Variants in PHF19 observed in about 807,000 individuals in gnomAD.
PHF19 encodes polycomb like 3.
PHF19 carries 21 observed loss-of-function variants against 79.8 expected under a neutral mutation model. That is an observed-to-expected ratio of 0.26 (90% CI 0.19 to 0.38). PHF19 has a LOEUF of 0.38. PHF19 is among the 10% of genes least tolerant of loss of function. PHF19 has a pLI of 1.00. For missense variants in PHF19, 445 were observed against 744.2 expected (o/e 0.60, Z 4.68); for synonymous variants, 273 against 296.3 (o/e 0.92, Z 0.81).
At chr9:120,871,645 A>G (rs948946847) in intron 3 of PHF19, among the ~76,000 whole-genome samples, 4 of 152,198 alleles carry the variant, frequency 2.6e-5, no homozygotes, top group Admixed American at 2.0e-4. Context: ...AAGAATAAAT[A>G]TGTTTTTATG....
Position 120,877,078 on chromosome 9 carries a change from G to T in PHF19, c.-16+13C>A. The T allele has an allele frequency of 1.0e-6, 1 of 985,408 alleles. No individual in the cohort carries two copies. Among genetic ancestry groups the T allele is most frequent in the South Asian group, 4.7e-5 (1 of 21,292 alleles). 61.0% of individuals were successfully genotyped at this position (985,408 alleles called of 1,614,324 possible). A position where few individuals can be genotyped will look rare whatever the true frequency, so the allele number is the denominator to read the frequency against. On this transcript the variant is annotated intron_variant, in intron 1 of 14. Coordinates refer to ENST00000373896, the MANE Select transcript of PHF19 (RefSeq NM_015651.3). ...AGCGTGGCGGGGAGTCCGCCCAACA[G>T]CGCAGAACTCACCGCGAGGCTGCGT... is the stretch of plus-strand genomic sequence containing the variant.
chr9:120,860,111 G>A lies in PHF19; in HGVS notation c.1379C>T (p.Thr460Ile), dbSNP rs1423341571. ...DAASTSGSAS[T>I]SLSYDSRWTV... Reference sequence around the variant, plus strand: ...TCACCTGGAGTCATAGGAGAGGCTGGTGGAGGCAGAGCCAGAGGTGCTGGC... The same window carrying A: ...TCACCTGGAGTCATAGGAGAGGCTGATGGAGGCAGAGCCAGAGGTGCTGGC... Residue 460 changes from threonine to isoleucine, a missense_variant, in exon 14 of 15, where the codon ACC becomes ATC. Thr to Ile is a moderately conservative substitution (Grantham distance 89). This residue lies in a region of PHF19 where 125 missense variants were observed against 180.5 expected (regional missense o/e 0.69). Transcript: ENST00000373896. This position sits in a 1 kb window ranked among gnomAD's most constrained non-coding sequence, Gnocchi z 4.1. 1.3e-6 allele frequency: 2 copies of A among 1,594,866 alleles called. No homozygotes were observed. The highest frequency in any genetic ancestry group is 1.7e-6 in the Non-Finnish European group (2 of 1,168,542).
At position 120,870,021 on chromosome 9, in the gene PHF19, G is replaced by T. The variant is rs2045848574; in HGVS notation, c.365-76C>A. The T allele has an allele frequency of 1.3e-6, 2 of 1,520,610 alleles. No individual in the cohort carries two copies. The highest frequency in any genetic ancestry group is 8.8e-7 in the Non-Finnish European group (1 of 1,133,102). The allele number at this position is 1,520,610 out of a possible 1,614,324, so 94.2% of individuals were successfully genotyped here. ...GGCCAGTTGGCCCAAAGGAGGCAGG[G>T]CTGGGAGGGCTGAGGGAAGTCCTAG... On this transcript the variant is annotated intron_variant, in intron 4 of 14. Transcript: ENST00000373896. This position sits in a 1 kb window ranked among gnomAD's most constrained non-coding sequence, Gnocchi z 4.4.
intron 12 of PHF19, 22 bp downstream of exon 12, chr9:120,861,896 A>G (rs1317233552): frequency 1.3e-6 from 2 of 1,524,362 alleles, no homozygotes; most frequent in Middle Eastern, 1.7e-4. Flanking sequence ...GAAAATGGAG[A>G]GTAAGAAAAC....
Position 120,860,174 on chromosome 9 carries a change from C to T in PHF19, c.1316G>A (p.Gly439Asp). 1 of 1,587,264 alleles carries T rather than the reference C, an allele frequency of 6.3e-7. No individual in the cohort carries two copies. The highest frequency in any genetic ancestry group is 1.1e-5 in the South Asian group (1 of 87,276). Residue 439 changes from glycine to aspartate, a missense_variant, in exon 14 of 15, where the codon GGC (glycine) becomes GAC (aspartate). This residue lies in a region of PHF19 where 125 missense variants were observed against 180.5 expected (regional missense o/e 0.69). Transcript: ENST00000373896. This position sits in a 1 kb window ranked among gnomAD's most constrained non-coding sequence, Gnocchi z 4.1. ...EIQSLKSASS[G>D]QTFFSDVDST... ...GTCGACATCTGAGAAGAAGGTCTGGCCTGAGCTGGCACTGAGAGGGGCAAG... is the reference window on the plus strand; with the variant it reads ...GTCGACATCTGAGAAGAAGGTCTGGTCTGAGCTGGCACTGAGAGGGGCAAG...
In PHF19 at chr9:120,860,036, G is replaced by A; in HGVS notation, c.1400+54C>T. On this transcript the variant is annotated intron_variant, in intron 14 of 14. Coordinates refer to ENST00000373896, the MANE Select transcript of PHF19 (RefSeq NM_015651.3). This position sits in a 1 kb window ranked among gnomAD's most constrained non-coding sequence, Gnocchi z 4.1. ...TACAGAAGTGGGAGGTGGAGGGGCT[G>A]AGAGGAATGATGGTCCTTGCAAAAT... The A allele has an allele frequency of 2.2e-6, 2 of 892,932 alleles. No homozygotes were observed. Among genetic ancestry groups the A allele is most frequent in the Non-Finnish European group, 3.7e-6 (2 of 544,986 alleles). The allele number at this position is 892,932 out of a possible 1,614,324, so 55.3% of individuals were successfully genotyped here. A position where few individuals can be genotyped will look rare whatever the true frequency, so the allele number is the denominator to read the frequency against.
intron 12 of PHF19, 96 bp from the exon 13 acceptor site, chr9:120,861,270 G>A: frequency 3.8e-6 from 3 of 791,854 alleles, no homozygotes; most frequent in Non-Finnish European, 4.6e-6. Context: ...GCCGCTGAGG[G>A]CTGGGCCCTC....
At chr9:120,901,980 T>C in the PHF19 span, among the ~76,000 whole-genome samples, 10 of 152,046 alleles carry the variant, frequency 6.6e-5, no homozygotes, top group Non-Finnish European at 1.3e-4. Context: ...AACAGGGAGG[T>C]CTTCTACTGA....
the PHF19 span, chr9:120,903,027 C>A: frequency 6.6e-6 from 1 of 152,198 alleles, no homozygotes; most frequent in Non-Finnish European, 1.5e-5. Flanking sequence ...TACAAATCCC[C>A]CCTTGGGCTC....
At chr9:120,863,902 C>A in intron 10 of PHF19, 147 bp downstream of exon 10, 1 of 708,182 alleles carries the variant, frequency 1.4e-6, no homozygotes, top group Non-Finnish European at 2.4e-6. Flanking sequence ...AGGTGGGGTA[C>A]CCCCTGGATC....
At chr9:120,877,230 G>C, upstream of PHF19, 1 of 950,212 alleles carries the variant, frequency 1.1e-6, no homozygotes, top group South Asian at 4.7e-5. Flanking sequence ...GCGGGGGCGG[G>C]GCGGGGCGGG....
chr9:120,877,235 G>C, upstream of PHF19: 1 of 942,188 alleles, frequency 1.1e-6, no homozygotes, highest in African/African-American at 1.8e-5. Flanking sequence ...GGCGGGGCGG[G>C]GCGGGGGCGC....
In PHF19 at chr9:120,864,166, G is replaced by C. The variant is rs750480956; in HGVS notation, c.901-50C>G. ...CATCAGACCCAGGCATATGGCGCAT[G>C]GGGAGGCCCAAGCCCCTACTCCCTC... On this transcript the variant is annotated intron_variant, in intron 9 of 14. Transcript: ENST00000373896. 5.9e-6 allele frequency: 9 copies of C among 1,532,012 alleles called. No individual in the cohort carries two copies. The African/African-American group carries it at 9.5e-5, about 16-fold the overall frequency. The allele number at this position is 1,532,012 out of a possible 1,614,324, so 94.9% of individuals were successfully genotyped here.
chr9:120,880,097 C>T (rs1469720112), upstream of PHF19, among the ~76,000 whole-genome samples: 1 of 152,172 alleles, frequency 6.6e-6, no homozygotes, highest in Non-Finnish European at 1.5e-5. Flanking sequence ...AGTTTGGCAA[C>T]TTGTAAGAAA....
In PHF19 at chr9:120,891,414, G is replaced by A. The variant is rs942368099; in HGVS notation, c.42+3374C>T. 4.6e-5 allele frequency among the ~76,000 whole-genome samples: 7 copies of A among 152,104 alleles called. No homozygotes were observed. Among genetic ancestry groups the A allele is most frequent in the East Asian group, 3.8e-4 (2 of 5,196 alleles). ...ACCTGCCGTACTTTGGGATCACCCCGGGAACCTTAACATGCTGATGCCTGT... is the reference window on the plus strand; with the variant it reads ...ACCTGCCGTACTTTGGGATCACCCCAGGAACCTTAACATGCTGATGCCTGT... On this transcript the variant is annotated intron_variant, in intron 1 of 14. Transcript: ENST00000616568. The surrounding 1 kb of genome is among the most constrained non-coding windows in gnomAD (Gnocchi z 4.3).
rs1470845373 is a variant in PHF19, at chr9:120,882,195, G to A, written c.43-7439C>T. On this transcript the variant is annotated intron_variant, in intron 1 of 14. Transcript: ENST00000616568. ...AGTGTCACACACAATAGAGAGTCAG[G>A]GCTTGTCCCCTCTGCTCAGCAGTGT... 2.6e-5 allele frequency among the ~76,000 whole-genome samples: 4 copies of A among 152,158 alleles called. No homozygotes were observed. In the East Asian group the frequency reaches 7.7e-4, roughly 29 times the overall value.
chr9:120,873,988 T>C lies in PHF19; in HGVS notation c.259A>G (p.Ile87Val). ...NSKYWVLWKD[I>V]QHAGVPGEEP... ...TGTTAGGAAAACTCACCATGCTGTATGTCCTTCCATAGGACCCAGTATTTG... is the reference window on the plus strand; with the variant it reads ...TGTTAGGAAAACTCACCATGCTGTACGTCCTTCCATAGGACCCAGTATTTG... Residue 87 changes from isoleucine to valine, a missense_variant, in exon 3 of 15, where the codon ATA becomes GTA. Transcript: ENST00000373896. The C allele has an allele frequency of 6.3e-7, 1 of 1,586,010 alleles. No homozygotes were observed. The highest frequency in any genetic ancestry group is 8.7e-7 in the Non-Finnish European group (1 of 1,154,628).
At chr9:120,861,565 T>C (rs2045525974) in intron 12 of PHF19, among the ~76,000 whole-genome samples, 1 of 152,184 alleles carries the variant, frequency 6.6e-6, no homozygotes, top group East Asian at 1.9e-4. Flanking sequence ...GTGGTGGGGT[T>C]ACTGAAGGAG....
rs57440702 is a variant in PHF19, at chr9:120,873,946, T to C, written c.268+33A>G. The C allele has an allele frequency of 9.1e-4, 1,021 of 1,123,662 alleles. 14 individuals are homozygous for C. In the East Asian group the frequency reaches 0.022, roughly 24 times the overall value. The allele number at this position is 1,123,662 out of a possible 1,614,324, so 69.6% of individuals were successfully genotyped here. A position where few individuals can be genotyped will look rare whatever the true frequency, so the allele number is the denominator to read the frequency against. On this transcript the variant is annotated intron_variant, in intron 3 of 14. Transcript: ENST00000373896. ...GCAGAGGAGAGAAGACCTGGGGAGG[T>C]TGGGGGCTACCCGAAATGTTAGGAA... is the stretch of plus-strand genomic sequence containing the variant.
Sources: allele counts gnomAD v4.1 joint callset (sites outside exome capture counted in the v4.1 genomes callset), GRCh38; gene constraint gnomAD v4.1.1; regional missense constraint gnomAD v4.1.1; non-coding constraint Gnocchi (gnomAD v3.1); transcripts MANE v1.5; gene names NCBI Gene and HGNC (gene_info 2026-07-23, HGNC 2026-07-21).